The following DHRSX variants were observed in gnomAD, a reference collection of about 807,000 sequenced individuals.
DHRSX encodes polyprenol dehydrogenase.
DHRSX carries 31 observed loss-of-function variants against 34.0 expected under a neutral mutation model. The ratio of observed to expected loss-of-function variants is 0.91; its 90% CI spans 0.69 to 1.23. The LOEUF (loss-of-function observed/expected upper bound fraction) is 1.23. Ranked by LOEUF, DHRSX falls within the 50% of genes most tolerant of loss-of-function variation. DHRSX has a pLI of 0.00. For synonymous variants in DHRSX, 201 were observed against 183.8 expected (o/e 1.09, Z -0.76); for missense variants, 414 against 428.1 (o/e 0.97, Z 0.29).
At chrX:2,456,592 G>C (rs1005633252) in intron 1 of DHRSX, among the ~76,000 whole-genome samples, 2 of 145,560 alleles carry the variant, frequency 1.4e-5, no homozygotes, top group African/African-American at 2.6e-5. Context: ...CCAGCCTGGG[G>C]GACACAGCAA....
chrX:2,310,629 C>T (rs1569486675), intron 3 of DHRSX, among the ~76,000 whole-genome samples: 1 of 150,638 alleles, frequency 6.6e-6, no homozygotes, highest in Non-Finnish European at 1.5e-5. Flanking sequence ...GAACAAAACA[C>T]AGAGAAAGTT....
intron 3 of DHRSX, among the ~76,000 whole-genome samples, chrX:2,333,143 T>C (rs2042502253): frequency 6.6e-6 from 1 of 152,188 alleles, no homozygotes; most frequent in Non-Finnish European, 1.5e-5. Context: ...ACATTCACGA[T>C]GGGTAAAAAA....
intron 3 of DHRSX, among the ~76,000 whole-genome samples, chrX:2,314,908 A>G (rs2042224170): frequency 6.6e-6 from 1 of 152,160 alleles, no homozygotes; most frequent in African/African-American, 2.4e-5. Flanking sequence ...CTGCAATCTC[A>G]GCACCTTGGG....
intron 6 of DHRSX, among the ~76,000 whole-genome samples, chrX:2,229,165 C>A (rs191912534): frequency 6.6e-6 from 1 of 152,078 alleles, no homozygotes; most frequent in Non-Finnish European, 1.5e-5. Flanking sequence ...ATTTTAGCAC[C>A]GTCCACATCT....
At position 2,425,214 on chromosome X, in the gene DHRSX, C is replaced by T. The variant is rs758222280; in HGVS notation, c.200G>A (p.Gly67Asp). The T allele has an allele frequency of 3.2e-5, 52 of 1,613,398 alleles. No individual in the cohort carries two copies. The highest frequency in any genetic ancestry group is 4.2e-5 in the Non-Finnish European group (50 of 1,179,652). The change falls in exon 2 of 7, where the codon GGC (glycine) becomes GAC (aspartate). Residue 67 changes from glycine (G) to aspartate (D), a missense_variant. Coordinates refer to ENST00000334651, the MANE Select transcript of DHRSX (RefSeq NM_145177.3). ...YSTAKHLARLGMHVIIAGNND... is the reference protein window; with the variant it reads ...YSTAKHLARLDMHVIIAGNND... ...GTCATCACCTATGATAACATGCATG[C>T]CAAGTCTCGCCAGATGCTTCGCTGT...
At chrX:2,390,840 A>G (rs758750820) in intron 3 of DHRSX, among the ~76,000 whole-genome samples, 1 of 152,050 alleles carries the variant, frequency 6.6e-6, no homozygotes, top group Admixed American at 6.6e-5. Flanking sequence ...TGGCTGTGTA[A>G]TATTCCATCA....
At chrX:2,237,742 T>G (rs1268164791) in intron 6 of DHRSX, among the ~76,000 whole-genome samples, 1 of 152,074 alleles carries the variant, frequency 6.6e-6, no homozygotes, top group African/African-American at 2.4e-5. Flanking sequence ...TAACCTCACA[T>G]GATCCTCCCC....
intron 6 of DHRSX, among the ~76,000 whole-genome samples, chrX:2,238,470 G>T (rs907727181): frequency 6.6e-6 from 1 of 152,076 alleles, no homozygotes; most frequent in African/African-American, 2.4e-5. Context: ...GAGGATAGAG[G>T]TTTCAGAGTG....
At chrX:2,448,374 TAAAA>T (rs1193325819) in intron 1 of DHRSX, among the ~76,000 whole-genome samples, 4 of 152,026 alleles carry the variant, frequency 2.6e-5, no homozygotes, top group African/African-American at 9.7e-5. Flanking sequence ...TTCAGTTACA[TAAAA>T]GAAATAAATT....
chrX:2,370,959 G>A (rs2043051434), intron 3 of DHRSX, among the ~76,000 whole-genome samples: 1 of 152,042 alleles, frequency 6.6e-6, no homozygotes, highest in Non-Finnish European at 1.5e-5. Context: ...CGAGCATCAC[G>A]TGCCTGTCCC....
chrX:2,331,976 TG>T (rs2042484394), intron 3 of DHRSX, among the ~76,000 whole-genome samples: 1 of 152,182 alleles, frequency 6.6e-6, no homozygotes, highest in African/African-American at 2.4e-5. Flanking sequence ...AATAAGGTTT[TG>T]ACTCGCGAAA....
intron 3 of DHRSX, among the ~76,000 whole-genome samples, chrX:2,339,328 AG>A (rs2042611495): frequency 6.6e-6 from 1 of 151,802 alleles, no homozygotes; most frequent in Non-Finnish European, 1.5e-5. Context: ...TAGTATAGAC[AG>A]GGTTTCACCA....
chrX:2,371,326 T>TATAGTCCCTCCTTCCGTTACC (rs1220736072), intron 3 of DHRSX, among the ~76,000 whole-genome samples: 18 of 137,282 alleles, frequency 1.3e-4, no homozygotes, highest in African/African-American at 4.9e-4. Context: ...CTCCCGTTAC[T>TATAGTCCCTCCTTCCGTTACC]ATAGTCCCTC....
intron 5 of DHRSX, among the ~76,000 whole-genome samples, chrX:2,245,968 AAC>A (rs1194970168): frequency 4.1e-5 from 6 of 144,708 alleles, no homozygotes; most frequent in Admixed American, 2.7e-4. Context: ...TCTCAAAAAA[AAC>A]AAAAAAACAA....
chrX:2,288,097 G>A (rs2041826025), intron 4 of DHRSX, among the ~76,000 whole-genome samples: 1 of 147,662 alleles, frequency 6.8e-6, no homozygotes, highest in Admixed American at 6.9e-5. Context: ...CTACAAGGCA[G>A]GCAGAAGAAC....
intron 1 of DHRSX, chrX:2,490,782 G>A: frequency 6.4e-7 from 1 of 1,563,016 alleles, no homozygotes; most frequent in Non-Finnish European, 8.7e-7. Flanking sequence ...GCTGAGAAGG[G>A]CCAAGACAAA....
At chrX:2,351,971 C>T (rs1290188980) in intron 3 of DHRSX, among the ~76,000 whole-genome samples, 6 of 152,132 alleles carry the variant, frequency 3.9e-5, no homozygotes, top group African/African-American at 9.7e-5. Context: ...CCACCCGCCT[C>T]GGCCTCCCAA....
chrX:2,258,981 AT>A (rs1274499578), intron 5 of DHRSX, among the ~76,000 whole-genome samples: 8 of 152,172 alleles, frequency 5.3e-5, no homozygotes, highest in Non-Finnish European at 1.0e-4. Context: ...TCTCGAAAAA[AT>A]AGGGGGAAGT....
At chrX:2,345,287 G>A (rs2042690645) in intron 3 of DHRSX, among the ~76,000 whole-genome samples, 1 of 151,996 alleles carries the variant, frequency 6.6e-6, no homozygotes, top group Non-Finnish European at 1.5e-5. Context: ...ATCGAAATCA[G>A]GAGACTTTGA....
Sources: allele counts gnomAD v4.1 joint callset (sites outside exome capture counted in the v4.1 genomes callset), GRCh38; gene constraint gnomAD v4.1.1; transcripts MANE v1.5; gene names NCBI Gene and HGNC (gene_info 2026-07-23, HGNC 2026-07-21).